FRK: variants seen among roughly 807,000 people sequenced by gnomAD.
FRK encodes tyrosine-protein kinase FRK.
FRK carries 51 observed loss-of-function variants against 56.4 expected under a neutral mutation model. That is an observed-to-expected ratio of 0.90 (90% confidence interval 0.72 to 1.14). The LOEUF (loss-of-function observed/expected upper bound fraction) is 1.14. FRK is among the 50% of genes most tolerant of loss of function. The pLI is 0.00. For missense variants in FRK, 570 were observed against 601.4 expected (o/e 0.95, Z 0.55); for synonymous variants, 245 against 217.9 (o/e 1.12, Z -1.10).
At chr6:115,999,504 C>G (rs1774968692) in intron 2 of FRK, among the ~76,000 whole-genome samples, 1 of 152,196 alleles carries the variant, frequency 6.6e-6, no homozygotes, top group African/African-American at 2.4e-5. Context: ...CACTCAGCAT[C>G]AATAAATCAT....
chr6:116,028,312 T>C (rs373248931), intron 1 of FRK, among the ~76,000 whole-genome samples: 1 of 152,196 alleles, frequency 6.6e-6, no homozygotes, highest in East Asian at 1.9e-4. Flanking sequence ...TTTTATCTAA[T>C]AAAATTTCAG....
At chr6:116,054,293 A>G (rs886899791) in intron 1 of FRK, among the ~76,000 whole-genome samples, 7 of 150,116 alleles carry the variant, frequency 4.7e-5, no homozygotes, top group African/African-American at 1.7e-4. Flanking sequence ...AATTAATCTC[A>G]TGGCATTTAA....
At chr6:116,046,309 C>T (rs999520033) in intron 1 of FRK, among the ~76,000 whole-genome samples, 3 of 152,178 alleles carry the variant, frequency 2.0e-5, no homozygotes, top group Non-Finnish European at 4.4e-5. Context: ...ATAAATCATT[C>T]TACTATAAAG....
intron 1 of FRK, among the ~76,000 whole-genome samples, chr6:116,013,761 A>G (rs1344687579): frequency 2.6e-5 from 4 of 152,142 alleles, no homozygotes; most frequent in African/African-American, 9.7e-5. Flanking sequence ...CCAAAGACCA[A>G]ACTCAAGTCC....
At chr6:116,031,438 A>G (rs555130756) in intron 1 of FRK, among the ~76,000 whole-genome samples, 1 of 152,312 alleles carries the variant, frequency 6.6e-6, no homozygotes, top group South Asian at 2.1e-4. Flanking sequence ...AATTTCAGAG[A>G]GGAGGAAAAT....
chr6:116,093,517 G>A, the FRK span, among the ~76,000 whole-genome samples: 24 of 140,360 alleles, frequency 1.7e-4, no homozygotes, highest in African/African-American at 4.9e-4. Context: ...GCTGCAGTCC[G>A]AGAGTTTGGA....
chr6:116,038,966 C>T (rs1188830368), intron 1 of FRK: 7 of 691,204 alleles, frequency 1.0e-5, no homozygotes, highest in Middle Eastern at 3.4e-4. Flanking sequence ...AAGTAACTAA[C>T]GGGGCCTTTA....
At chr6:115,969,747 C>T (rs1223666279) in intron 2 of FRK, among the ~76,000 whole-genome samples, 1 of 152,136 alleles carries the variant, frequency 6.6e-6, no homozygotes, top group Non-Finnish European at 1.5e-5. Context: ...AGACAGGAAG[C>T]AAGCTTGCCT....
At chr6:116,014,340 C>T (rs1165344840) in intron 1 of FRK, among the ~76,000 whole-genome samples, 2 of 151,682 alleles carry the variant, frequency 1.3e-5, no homozygotes, top group Non-Finnish European at 2.9e-5. Flanking sequence ...AGTGATGAAA[C>T]AGGAATTTAA....
chr6:115,952,082 A>C (rs970947181), intron 5 of FRK, among the ~76,000 whole-genome samples: 44 of 152,156 alleles, frequency 2.9e-4, no homozygotes, highest in Middle Eastern at 3.4e-3. Flanking sequence ...TCTGGATATT[A>C]GCCCTTTGTC....
At chr6:116,033,609 A>G (rs1171007682) in intron 1 of FRK, among the ~76,000 whole-genome samples, 1 of 152,184 alleles carries the variant, frequency 6.6e-6, no homozygotes, top group Admixed American at 6.6e-5. Flanking sequence ...GAAGTGGAAG[A>G]AGCCAAGGAA....
the FRK span, among the ~76,000 whole-genome samples, chr6:116,066,006 G>T: frequency 2.0e-5 from 3 of 152,188 alleles, no homozygotes; most frequent in South Asian, 2.1e-4. Context: ...TGCATAGGAA[G>T]TCTCCCTACT....
At chr6:116,033,632 A>G (rs1776372755) in intron 1 of FRK, among the ~76,000 whole-genome samples, 1 of 152,174 alleles carries the variant, frequency 6.6e-6, no homozygotes, top group African/African-American at 2.4e-5. Flanking sequence ...AGAAATGAGG[A>G]ATTAAGTCAG....
chr6:115,966,015 C>T (rs1169443853), intron 4 of FRK, among the ~76,000 whole-genome samples: 1 of 91,994 alleles, frequency 1.1e-5, no homozygotes, highest in Non-Finnish European at 2.1e-5. Context: ...CTAACCTGCA[C>T]AATGTGCACA....
chr6:116,027,810 T>C (rs1252651900), intron 1 of FRK, among the ~76,000 whole-genome samples: 3 of 147,722 alleles, frequency 2.0e-5, no homozygotes, highest in African/African-American at 7.5e-5. Context: ...AAAAGAAAAA[T>C]GCAAAATGAA....
At chr6:115,983,018 G>A (rs1174006290) in intron 2 of FRK, among the ~76,000 whole-genome samples, 1 of 151,166 alleles carries the variant, frequency 6.6e-6, no homozygotes, top group Non-Finnish European at 1.5e-5. Flanking sequence ...GTTGCAGTGA[G>A]CCAGGATTGC....
At chr6:116,029,492 G>C (rs988233916) in intron 1 of FRK, among the ~76,000 whole-genome samples, 5 of 151,972 alleles carry the variant, frequency 3.3e-5, no homozygotes, top group Admixed American at 6.6e-5. Context: ...TACCTATTTA[G>C]GTACTGCTTG....
At chr6:116,077,111 T>A in the FRK span, among the ~76,000 whole-genome samples, 2 of 152,216 alleles carry the variant, frequency 1.3e-5, no homozygotes, top group African/African-American at 4.8e-5. Context: ...GTAATTCATA[T>A]AGAAATAGAG....
chr6:115,945,581 A>C (rs191527220), intron 5 of FRK, among the ~76,000 whole-genome samples: 35 of 152,272 alleles, frequency 2.3e-4, no homozygotes, highest in African/African-American at 7.7e-4. Flanking sequence ...AATTTGTTTT[A>C]GTCATTGAGC....
Sources: allele counts gnomAD v4.1 joint callset (sites outside exome capture counted in the v4.1 genomes callset), GRCh38; gene constraint gnomAD v4.1.1; transcripts MANE v1.5; gene names NCBI Gene and HGNC (gene_info 2026-07-23, HGNC 2026-07-21).